Variants in APBB1IP observed in about 807,000 individuals in gnomAD.
APBB1IP encodes the protein amyloid beta precursor protein binding family B member 1 interacting protein.
Under a neutral mutation model 64.9 loss-of-function variants are expected in APBB1IP, and 27 were observed. The ratio of observed to expected loss-of-function variants is 0.42; its 90% CI spans 0.31 to 0.57. APBB1IP has a LOEUF of 0.57. APBB1IP is among the 20% of genes least tolerant of loss of function. APBB1IP has a pLI of 0.20. For synonymous variants in APBB1IP, 392 were observed against 331.0 expected (o/e 1.18, Z -2.00); for missense variants, 812 against 845.5 (o/e 0.96, Z 0.49).
intron 4 of APBB1IP, among the ~76,000 whole-genome samples, 161 bp downstream of exon 4, chr10:26,496,552 G>A (rs1037816254): frequency 5.9e-5 from 9 of 152,054 alleles, no homozygotes; most frequent in African/African-American, 2.2e-4. Context: ...TGTCTAGATT[G>A]AATTGAGAGA....
chr10:26,534,620 C>CT (rs1255526917), intron 9 of APBB1IP, among the ~76,000 whole-genome samples: 4 of 152,182 alleles, frequency 2.6e-5, no homozygotes, highest in African/African-American at 9.7e-5. Context: ...TTGCGCATGT[C>CT]TTTTCCCTGC....
At chr10:26,445,588 G>A (rs11591540) in intron 2 of APBB1IP, among the ~76,000 whole-genome samples, 46,957 of 151,874 alleles carry the variant, frequency 0.31, 7,929 homozygotes, top group Non-Finnish European at 0.39. Flanking sequence ...TAGACTTTAT[G>A]CAATACAAGG....
At chr10:26,542,142 T>C (rs1836704969) in intron 11 of APBB1IP, among the ~76,000 whole-genome samples, 1 of 152,156 alleles carries the variant, frequency 6.6e-6, no homozygotes. Flanking sequence ...GCAATAGGTA[T>C]TATCAAATGT....
At chr10:26,438,484 T>TTAAATTAAAA (rs1835303469) in intron 1 of APBB1IP, 29 bp downstream of exon 1, 2 of 148,092 alleles carry the variant, frequency 1.4e-5, no homozygotes, top group African/African-American at 5.0e-5. Context: ...TTTCCCAGAA[T>TTAAATTAAAA]TAAAATAAAA....
At chr10:26,553,877 C>G (rs1836862807) in intron 11 of APBB1IP, among the ~76,000 whole-genome samples, 1 of 152,072 alleles carries the variant, frequency 6.6e-6, no homozygotes, top group Non-Finnish European at 1.5e-5. Flanking sequence ...ATTTTATGGT[C>G]TTCAAACTGG....
At chr10:26,512,004 A>T in intron 7 of APBB1IP, 98 bp downstream of exon 7, 1 of 1,348,802 alleles carries the variant, frequency 7.4e-7, no homozygotes, top group Non-Finnish European at 1.0e-6. Flanking sequence ...TTAATTTTAT[A>T]TAAAAAATAG....
At chr10:26,468,917 C>T (rs1174117058) in intron 2 of APBB1IP, among the ~76,000 whole-genome samples, 3 of 152,180 alleles carry the variant, frequency 2.0e-5, no homozygotes, top group Non-Finnish European at 2.9e-5. Context: ...TTATGCACTG[C>T]TCCTGGGGTT....
At chr10:26,443,756 C>T (rs1365910259) in intron 2 of APBB1IP, among the ~76,000 whole-genome samples, 3 of 152,006 alleles carry the variant, frequency 2.0e-5, no homozygotes, top group African/African-American at 4.8e-5. Flanking sequence ...AGGCTGGTCT[C>T]GACCTCCTGG....
intron 8 of APBB1IP, among the ~76,000 whole-genome samples, chr10:26,531,380 G>A (rs1043968056): frequency 1.3e-5 from 2 of 151,260 alleles, no homozygotes; most frequent in Non-Finnish European, 2.9e-5. Context: ...CTCTATTTAA[G>A]TTAGCAGCCA....
chr10:26,496,265 T>C (rs1266869199), intron 3 of APBB1IP, 39 bp from the exon 4 acceptor site: 1 of 1,458,974 alleles, frequency 6.9e-7, no homozygotes, highest in East Asian at 2.3e-5. Context: ...GAAATGTTTG[T>C]ATCATGAATA....
At chr10:26,556,188 G>T (rs552269975) in intron 11 of APBB1IP, among the ~76,000 whole-genome samples, 196 of 152,338 alleles carry the variant, frequency 1.3e-3, no homozygotes, top group Non-Finnish European at 2.3e-3. Context: ...AGCCTGGCCA[G>T]TGACACTGCA....
At chr10:26,462,088 A>T (rs576317637) in intron 2 of APBB1IP, among the ~76,000 whole-genome samples, 1 of 152,328 alleles carries the variant, frequency 6.6e-6, no homozygotes, top group South Asian at 2.1e-4. Flanking sequence ...GGCACTAGCC[A>T]TGCTTGTTTG....
At chr10:26,499,655 C>G (rs192010453) in intron 4 of APBB1IP, among the ~76,000 whole-genome samples, 3 of 152,210 alleles carry the variant, frequency 2.0e-5, no homozygotes, top group East Asian at 1.9e-4. Context: ...TCCACCAAGA[C>G]TACTCACCAA....
chr10:26,535,937 A>T, intron 9 of APBB1IP, 137 bp from the exon 10 acceptor site: 1 of 824,286 alleles, frequency 1.2e-6, no homozygotes, highest in Non-Finnish European at 1.8e-6. Context: ...CATATAATAT[A>T]AACATATGCA....
intron 11 of APBB1IP, among the ~76,000 whole-genome samples, chr10:26,543,302 G>A (rs1433759169): frequency 2.0e-5 from 3 of 151,668 alleles, no homozygotes; most frequent in African/African-American, 7.3e-5. Flanking sequence ...CCCTGTCTCT[G>A]CTAAAAATAC....
At chr10:26,561,659 A>T (rs1288919997) in intron 13 of APBB1IP, among the ~76,000 whole-genome samples, 1 of 152,106 alleles carries the variant, frequency 6.6e-6, no homozygotes, top group East Asian at 1.9e-4. Flanking sequence ...CTTGCACCCA[A>T]TCCTGGACAG....
At chr10:26,504,353 G>A (rs787037) in intron 6 of APBB1IP, among the ~76,000 whole-genome samples, 78,371 of 152,066 alleles carry the variant, frequency 0.52, 22,867 homozygotes, top group African/African-American at 0.8. Flanking sequence ...GTATTGTATT[G>A]TAACAGCAGA....
rs368766562 is a variant in APBB1IP, at chr10:26,514,998, A to C, written c.813+1338A>C. ...GTGATTCCCCTGCCTCAGCCTCCCA[A>C]GTAGCTGGGACTACAGGCGCATGAC... is the stretch of plus-strand genomic sequence containing the variant. On this transcript the variant is annotated intron_variant, in intron 8 of 14. Coordinates refer to ENST00000376236, the MANE Select transcript of APBB1IP (RefSeq NM_019043.4). 2.6e-5 allele frequency among the ~76,000 whole-genome samples: 4 copies of C among 151,096 alleles called. No individual in the cohort carries two copies. In the East Asian group the frequency reaches 7.8e-4, roughly 29 times the overall value.
rs115331867 is a variant in APBB1IP at position 26,551,466 on chromosome 10, G to A, written c.1156-8639G>A. Among the ~76,000 whole-genome samples, 1,513 of 152,268 alleles carry A rather than the reference G, an allele frequency of 9.9e-3. 18 individuals are homozygous for A. Among genetic ancestry groups the A allele is most frequent in the African/African-American group, 0.035 (1,437 of 41,544 alleles). On this transcript the variant is annotated intron_variant, in intron 11 of 14. Transcript: ENST00000376236. ...AGCGGGGCTTCCCAGTCTCACTCAC[G>A]GTCAGTTTCCTTAGCCCTCATAAAG...
Sources: allele counts gnomAD v4.1 joint callset (sites outside exome capture counted in the v4.1 genomes callset), GRCh38; gene constraint gnomAD v4.1.1; transcripts MANE v1.5; gene names NCBI Gene and HGNC (gene_info 2026-07-23, HGNC 2026-07-21).